DNAJB14: variants seen among roughly 807,000 people sequenced by gnomAD.
DNAJB14 encodes DnaJ heat shock protein family (Hsp40) member B14, also known as dnaJ homolog subfamily B member 14.
In DNAJB14, 22 loss-of-function variants were observed where a neutral mutation model predicts 48.4. The ratio of observed to expected loss-of-function variants is 0.45; its 90% CI spans 0.32 to 0.65. The LOEUF is 0.65. DNAJB14 is among the 30% of genes least tolerant of loss of function. DNAJB14 has a pLI of 0.03. For missense variants in DNAJB14, 319 were observed against 458.8 expected (o/e 0.70, Z 2.78); for synonymous variants, 142 against 158.7 (o/e 0.89, Z 0.79).
intron 2 of DNAJB14, chr4:99,930,051 CTAATA>C (rs1312805058): frequency 2.0e-5 from 3 of 153,230 alleles, no homozygotes; most frequent in African/African-American, 7.2e-5. Context: ...AAATCCTTCA[CTAATA>C]TAAGTAGGAA....
At chr4:99,945,273 A>C (rs1053248878) in intron 1 of DNAJB14, among the ~76,000 whole-genome samples, 2 of 152,194 alleles carry the variant, frequency 1.3e-5, no homozygotes, top group African/African-American at 2.4e-5. Flanking sequence ...TCATGGGTAT[A>C]GTGTTAGAAG....
intron 1 of DNAJB14, among the ~76,000 whole-genome samples, chr4:99,937,349 T>A (rs1171845130): frequency 6.6e-6 from 1 of 151,818 alleles, no homozygotes. Context: ...AAAACAGCAA[T>A]CACTAACTTA....
intron 3 of DNAJB14, 168 bp downstream of exon 3, chr4:99,922,872 G>C (rs1421125862): frequency 1.5e-6 from 1 of 672,352 alleles, no homozygotes; most frequent in East Asian, 3.1e-5. Flanking sequence ...GCATTTGTTT[G>C]CCTTCGGGTA....
intron 5 of DNAJB14, chr4:99,906,037 C>T: frequency 7.6e-7 from 1 of 1,307,504 alleles, no homozygotes. Flanking sequence ...CCATTTTTTA[C>T]CTTGGATTTG....
At position 99,897,057 on chromosome 4, in the gene DNAJB14, C is replaced by T. The variant is rs572917370; in HGVS notation, c.*3971G>A. 3.2e-4 allele frequency: 49 copies of T among 152,028 alleles called. No homozygotes were observed. The highest frequency in any genetic ancestry group is 1.2e-3 in the African/African-American group (48 of 41,510). 9.4% of individuals were successfully genotyped at this position (152,028 alleles called of 1,614,324 possible). On this transcript the variant is annotated 3_prime_UTR_variant, in exon 8 of 8. Coordinates refer to ENST00000442697, the MANE Select transcript of DNAJB14 (RefSeq NM_001031723.4). ...ATGAAAAAGAGCAACAAATAATTCA[C>T]ACCAATGAAATTGTGTTGACTGATT... is the stretch of plus-strand genomic sequence containing the variant.
At chr4:99,910,048 T>C (rs1048018511) in intron 3 of DNAJB14, among the ~76,000 whole-genome samples, 44 of 152,050 alleles carry the variant, frequency 2.9e-4, no homozygotes, top group Non-Finnish European at 1.0e-4. Context: ...CCATAGGTAC[T>C]GTACAAGCAA....
intron 6 of DNAJB14, among the ~76,000 whole-genome samples, chr4:99,904,195 T>C (rs1480934685): frequency 6.6e-6 from 1 of 152,184 alleles, no homozygotes. Context: ...TTGTCGTTGC[T>C]ATTGTTTAAC....
At chr4:99,922,927 C>T in intron 3 of DNAJB14, 113 bp downstream of exon 3, 2 of 1,185,326 alleles carry the variant, frequency 1.7e-6, no homozygotes, top group Non-Finnish European at 2.3e-6. Context: ...CAGACTCTTG[C>T]TTGTGCTGGT....
intron 1 of DNAJB14, among the ~76,000 whole-genome samples, chr4:99,939,349 G>A (rs571842729): frequency 9.2e-5 from 14 of 152,262 alleles, no homozygotes; most frequent in African/African-American, 2.9e-4. Context: ...GCAACAGAGC[G>A]AGACTCCATC....
In DNAJB14 at chr4:99,923,919, T is replaced by C. The variant is rs1446373720; in HGVS notation, c.306-734A>G. Reference sequence around the variant, plus strand: ...CTCATGATAAAATATAACACGTGACTCAAAAAATGTTATCCCTGATTTTCA... The same window carrying C: ...CTCATGATAAAATATAACACGTGACCCAAAAAATGTTATCCCTGATTTTCA... On this transcript the variant is annotated intron_variant, in intron 2 of 7. Transcript: ENST00000442697. The C allele has an allele frequency of 4.1e-6, 4 of 970,298 alleles. No individual in the cohort carries two copies. The African/African-American group carries it at 7.0e-5, about 17-fold the overall frequency. 60.1% of individuals were successfully genotyped at this position (970,298 alleles called of 1,614,324 possible).
At chr4:99,910,659 ATT>A (rs1233194790) in intron 3 of DNAJB14, among the ~76,000 whole-genome samples, 1 of 152,060 alleles carries the variant, frequency 6.6e-6, no homozygotes, top group Non-Finnish European at 1.5e-5. Flanking sequence ...CAATTTATAT[ATT>A]GTGGCCAGAG....
chr4:99,914,511 C>T (rs561630967), intron 3 of DNAJB14, among the ~76,000 whole-genome samples: 2 of 151,784 alleles, frequency 1.3e-5, no homozygotes, highest in Non-Finnish European at 2.9e-5. Flanking sequence ...GGGGGAGTGG[C>T]GAGGGATAGC....
intron 4 of DNAJB14, among the ~76,000 whole-genome samples, chr4:99,907,335 A>T (rs1453008234): frequency 6.6e-6 from 1 of 152,138 alleles, no homozygotes; most frequent in African/African-American, 2.4e-5. Context: ...GCATTTATAT[A>T]TCCTCTTTCC....
intron 1 of DNAJB14, among the ~76,000 whole-genome samples, chr4:99,932,004 C>G (rs1268684876): frequency 1.3e-5 from 2 of 152,020 alleles, no homozygotes; most frequent in Admixed American, 1.3e-4. Context: ...CTCCATCACA[C>G]TGGACACAAA....
intron 1 of DNAJB14, among the ~76,000 whole-genome samples, chr4:99,944,416 G>A (rs1180176875): frequency 6.6e-6 from 1 of 152,110 alleles, no homozygotes; most frequent in Non-Finnish European, 1.5e-5. Context: ...TTGAAAGCAG[G>A]CTCTTTGCAT....
intron 1 of DNAJB14, among the ~76,000 whole-genome samples, chr4:99,943,247 A>C (rs767584107): frequency 1.3e-5 from 2 of 152,152 alleles, no homozygotes; most frequent in Non-Finnish European, 2.9e-5. Context: ...ATCTGAACTA[A>C]GGTTTTTGGA....
chr4:99,920,993 G>C (rs187324019), intron 3 of DNAJB14, among the ~76,000 whole-genome samples: 9 of 152,330 alleles, frequency 5.9e-5, no homozygotes, highest in Admixed American at 3.3e-4. Flanking sequence ...AATAAAATAA[G>C]ATGATACAGA....
intron 2 of DNAJB14, chr4:99,925,767 A>G (rs1280839858): frequency 6.6e-6 from 1 of 152,172 alleles, no homozygotes; most frequent in Non-Finnish European, 1.5e-5. Flanking sequence ...ATGGTGATAA[A>G]TATCTGGAGA....
At chr4:99,944,273 C>T (rs1726986385) in intron 1 of DNAJB14, among the ~76,000 whole-genome samples, 1 of 152,194 alleles carries the variant, frequency 6.6e-6, no homozygotes, top group African/African-American at 2.4e-5. Flanking sequence ...TGGTGAGAAA[C>T]TGAAACCCTA....
Sources: allele counts gnomAD v4.1 joint callset (sites outside exome capture counted in the v4.1 genomes callset), GRCh38; gene constraint gnomAD v4.1.1; transcripts MANE v1.5; gene names NCBI Gene and HGNC (gene_info 2026-07-23, HGNC 2026-07-21).